Variants in KHDRBS2 observed in about 807,000 individuals in gnomAD.
The protein encoded by KHDRBS2 is KH domain-containing, RNA-binding, signal transduction-associated protein 2.
A neutral mutation model predicts 44.3 loss-of-function variants in KHDRBS2; 26 were observed. The observed-to-expected ratio is 0.59, with a 90% CI of 0.43 to 0.81. KHDRBS2 has a LOEUF of 0.81. KHDRBS2 is among the 40% of genes least tolerant of loss of function. KHDRBS2 has a pLI of 0.00. For synonymous variants in KHDRBS2, 194 were observed against 151.1 expected (o/e 1.28, Z -2.08); for missense variants, 476 against 433.1 (o/e 1.10, Z -0.88).
intron 8 of KHDRBS2, among the ~76,000 whole-genome samples, chr6:61,689,855 A>G (rs1767202246): frequency 6.6e-6 from 1 of 151,974 alleles, no homozygotes; most frequent in African/African-American, 2.4e-5. Flanking sequence ...TGTGAGTCAT[A>G]TATACATGTA....
chr6:62,177,168 A>G lies in KHDRBS2; in HGVS notation c.219+17T>C, dbSNP rs748807383. ...TTCTAAATCAATTATATGAGAACAAAGTATATATGGTAGTACCTTTGGATA... is the reference window on the plus strand; with the variant it reads ...TTCTAAATCAATTATATGAGAACAAGGTATATATGGTAGTACCTTTGGATA... On this transcript the variant is annotated intron_variant, in intron 2 of 8. Transcript: ENST00000281156. 5.6e-6 allele frequency: 8 copies of G among 1,425,844 alleles called. No homozygotes were observed. In the Admixed American group the frequency reaches 1.6e-4, roughly 29 times the overall value. The allele number at this position is 1,425,844 out of a possible 1,614,324, so 88.3% of individuals were successfully genotyped here.
At chr6:61,855,653 G>GTTTTA (rs1796050786) in intron 6 of KHDRBS2, among the ~76,000 whole-genome samples, 1 of 151,674 alleles carries the variant, frequency 6.6e-6, no homozygotes, top group Non-Finnish European at 1.5e-5. Flanking sequence ...GTTTTGTTTT[G>GTTTTA]TTTTGTTGTT....
chr6:62,254,631 G>C (rs1365971706), intron 1 of KHDRBS2, among the ~76,000 whole-genome samples: 2 of 151,956 alleles, frequency 1.3e-5, no homozygotes, highest in Non-Finnish European at 2.9e-5. Context: ...CCAGTATTTA[G>C]TCAAGCAAGA....
At chr6:61,550,760 T>C in the KHDRBS2 span, among the ~76,000 whole-genome samples, 1 of 129,830 alleles carries the variant, frequency 7.7e-6, no homozygotes, top group African/African-American at 3.0e-5. Flanking sequence ...CTGGTTGAGA[T>C]GGTATCTTTT....
intron 4 of KHDRBS2, among the ~76,000 whole-genome samples, chr6:61,914,858 A>G (rs1251607070): frequency 1.3e-5 from 2 of 152,118 alleles, no homozygotes; most frequent in African/African-American, 4.8e-5. Context: ...ATATGTTTAC[A>G]TGAAGACATC....
intron 6 of KHDRBS2, among the ~76,000 whole-genome samples, chr6:61,842,874 C>T (rs1302683247): frequency 2.0e-5 from 3 of 149,646 alleles, no homozygotes; most frequent in African/African-American, 4.9e-5. Context: ...GTAATCTATA[C>T]AGATAATCTA....
the KHDRBS2 span, among the ~76,000 whole-genome samples, chr6:61,558,271 A>C: frequency 2.0e-5 from 3 of 152,078 alleles, no homozygotes; most frequent in African/African-American, 7.2e-5. Context: ...TATAGCCATA[A>C]ACTTCCTTGG....
At chr6:62,170,943 A>C (rs549325963) in intron 2 of KHDRBS2, among the ~76,000 whole-genome samples, 12 of 134,214 alleles carry the variant, frequency 8.9e-5, no homozygotes, top group Middle Eastern at 7.6e-3. Context: ...GCATCAAAGA[A>C]GATAAACGCA....
intron 1 of KHDRBS2, among the ~76,000 whole-genome samples, chr6:62,201,074 G>A (rs375219478): frequency 6.6e-6 from 1 of 152,120 alleles, no homozygotes; most frequent in African/African-American, 2.4e-5. Flanking sequence ...ATCACACACT[G>A]GGGCCTGTTT....
chr6:61,593,936 C>G, the KHDRBS2 span, among the ~76,000 whole-genome samples: 2 of 152,032 alleles, frequency 1.3e-5, no homozygotes, highest in Non-Finnish European at 2.9e-5. Context: ...CTCAAAGCAG[C>G]CTGGTCACAT....
At chr6:61,639,076 A>G in the KHDRBS2 span, among the ~76,000 whole-genome samples, 1 of 152,144 alleles carries the variant, frequency 6.6e-6, no homozygotes, top group Non-Finnish European at 1.5e-5. Flanking sequence ...ATATTTGAAA[A>G]TGATTGCTAT....
chr6:61,616,225 A>G, the KHDRBS2 span, among the ~76,000 whole-genome samples: 2 of 152,230 alleles, frequency 1.3e-5, no homozygotes, highest in African/African-American at 4.8e-5. Context: ...AGTGTAACCA[A>G]ACTTCCTATT....
At chr6:61,705,963 C>T (rs1314767349) in intron 7 of KHDRBS2, among the ~76,000 whole-genome samples, 1 of 151,876 alleles carries the variant, frequency 6.6e-6, no homozygotes, top group African/African-American at 2.4e-5. Flanking sequence ...ATGTGATTTT[C>T]ATGAGGTCAG....
At chr6:62,265,427 T>A (rs116637676) in intron 1 of KHDRBS2, among the ~76,000 whole-genome samples, 2,762 of 152,000 alleles carry the variant, frequency 0.018, 37 homozygotes, top group Non-Finnish European at 0.028. Flanking sequence ...TGTCTGTGTA[T>A]GTGTATGTGT....
intron 8 of KHDRBS2, among the ~76,000 whole-genome samples, chr6:61,689,590 C>A (rs1208748514): frequency 6.6e-6 from 1 of 151,958 alleles, no homozygotes; most frequent in African/African-American, 2.4e-5. Context: ...TTGAACCTAT[C>A]TGTGCCAGAA....
intron 2 of KHDRBS2, among the ~76,000 whole-genome samples, chr6:62,148,955 C>T (rs1814513538): frequency 6.6e-6 from 1 of 152,038 alleles, no homozygotes; most frequent in African/African-American, 2.4e-5. Context: ...AAGAATGCAA[C>T]CACTTGCCTC....
At chr6:61,764,263 T>G (rs1431564881) in intron 6 of KHDRBS2, among the ~76,000 whole-genome samples, 1 of 152,176 alleles carries the variant, frequency 6.6e-6, no homozygotes, top group Non-Finnish European at 1.5e-5. Flanking sequence ...TCCATATCCT[T>G]GCTATTGTGA....
intron 1 of KHDRBS2, among the ~76,000 whole-genome samples, chr6:62,201,400 A>G (rs1219208020): frequency 6.6e-6 from 1 of 152,116 alleles, no homozygotes; most frequent in Admixed American, 6.6e-5. Flanking sequence ...GAATCATTTA[A>G]CATGCTTAGA....
At chr6:61,564,853 G>A in the KHDRBS2 span, among the ~76,000 whole-genome samples, 1 of 151,974 alleles carries the variant, frequency 6.6e-6, no homozygotes, top group African/African-American at 2.4e-5. Flanking sequence ...TCAGCAAAAA[G>A]AACAAAGATG....
Sources: gnomAD v4.1 joint callset for allele counts (sites outside exome capture counted in the v4.1 genomes callset) on GRCh38, gnomAD v4.1.1 for gene constraint, MANE v1.5 for transcripts, NCBI Gene and HGNC (gene_info 2026-07-23, HGNC 2026-07-21) for gene names.